Variants in VPS16 observed in about 807,000 individuals in gnomAD.
VPS16 encodes the protein vacuolar protein sorting-associated protein 16 homolog.
VPS16 carries 82 observed loss-of-function variants against 116.0 expected under a neutral mutation model. The observed-to-expected ratio is 0.71, with a 90% CI of 0.59 to 0.85. The LOEUF (loss-of-function observed/expected upper bound fraction) is 0.85, where lower values mean the gene tolerates loss of function less well. VPS16 is among the 40% of genes least tolerant of loss of function. VPS16 has a pLI of 0.00. For synonymous variants in VPS16, 406 were observed against 420.7 expected (o/e 0.96, Z 0.43); for missense variants, 928 against 1,090.6 (o/e 0.85, Z 2.10).
At position 2,865,647 on chromosome 20, in the gene VPS16, A is replaced by G; in HGVS notation, c.2271+152A>G. On this transcript the variant is annotated intron_variant, in intron 22 of 23. Transcript: ENST00000380445. The surrounding 1 kb of genome is among the most constrained non-coding windows in gnomAD (Gnocchi z 5.2). ...GCTTCCTGTATACACATTTGTGGGC[A>G]GGCATCATCTGCTGTGTTGGGTGCA... The G allele has an allele frequency of 1.4e-6, 1 of 719,308 alleles. No individual in the cohort carries two copies. Among genetic ancestry groups the G allele is most frequent in the South Asian group, 1.9e-5 (1 of 52,956 alleles). The allele number at this position is 719,308 out of a possible 1,614,324, so 44.6% of individuals were successfully genotyped here. A position where few individuals can be genotyped will look rare whatever the true frequency, so the allele number is the denominator to read the frequency against.
chr20:2,856,749 CTAGCTT>C (rs1372449141), intron 1 of VPS16, among the ~76,000 whole-genome samples: 2 of 152,164 alleles, frequency 1.3e-5, no homozygotes, highest in African/African-American at 4.8e-5. Flanking sequence ...ATTTGAAATG[CTAGCTT>C]TATTATTTGC....
chr20:2,843,257 C>T (rs1161651095), intron 1 of VPS16, among the ~76,000 whole-genome samples: 1 of 152,026 alleles, frequency 6.6e-6, no homozygotes, highest in African/African-American at 2.4e-5. Flanking sequence ...CATGATGAAA[C>T]CCCGTCTCTA....
At chr20:2,840,960 G>T in intron 1 of VPS16, 133 bp downstream of exon 1, 1 of 839,528 alleles carries the variant, frequency 1.2e-6, no homozygotes. Context: ...CCGAGCGTCT[G>T]CCACTTAGCG....
rs142902093 is a variant in VPS16 at position 2,865,483 on chromosome 20, C to G, written c.2259C>G (p.Pro753=). 1.6e-4 allele frequency: 254 copies of G among 1,613,890 alleles called. No individual in the cohort carries two copies. The East Asian group carries it at 5.1e-3, about 32-fold the overall frequency. The part of the protein sequence containing the change: ...LEKFSKSKKS[P]IGYLPFVEIC... ...AGTTTTCCAAGAGCAAGAAATCACC[C>G]ATTGGCTACCTGGTGAGGCAGGGTC... The change falls in exon 22 of 24, where the codon CCC becomes CCG. Residue 753 remains proline (P), a synonymous_variant. Coordinates refer to ENST00000380445, the MANE Select transcript of VPS16 (RefSeq NM_022575.4). This position sits in a 1 kb window ranked among gnomAD's most constrained non-coding sequence, Gnocchi z 5.2.
At chr20:2,854,266 A>ACACACACACACAC (rs1568624871) in intron 1 of VPS16, among the ~76,000 whole-genome samples, 1 of 61,970 alleles carries the variant, frequency 1.6e-5, no homozygotes, top group Non-Finnish European at 2.8e-5. Context: ...CACACACACA[A>ACACACACACACAC]ATTTTTTAGC....
chr20:2,851,119 GC>G (rs1265387294), intron 1 of VPS16, among the ~76,000 whole-genome samples: 1 of 152,190 alleles, frequency 6.6e-6, no homozygotes, highest in African/African-American at 2.4e-5. Context: ...TACAGTTGCA[GC>G]CCACTGGATG....
chr20:2,854,399 A>T (rs367626797), intron 1 of VPS16, among the ~76,000 whole-genome samples: 17 of 152,166 alleles, frequency 1.1e-4, no homozygotes, highest in African/African-American at 4.1e-4. Flanking sequence ...ACTGCACTCC[A>T]TCCTGGGCAA....
In VPS16 at chr20:2,864,616, G is replaced by T; in HGVS notation, c.1888G>T (p.Gly630Cys). 6.2e-7 allele frequency: 1 copy of T among 1,614,152 alleles called. No homozygotes were observed. The highest frequency in any genetic ancestry group is 8.5e-7 in the Non-Finnish European group (1 of 1,180,028). Residue 630 changes from glycine to cysteine, a missense_variant, in exon 19 of 24, where the codon GGC becomes TGC. Gly to Cys is a radical substitution (Grantham distance 159, BLOSUM62 -3). Transcript: ENST00000380445. This position sits in a 1 kb window ranked among gnomAD's most constrained non-coding sequence, Gnocchi z 5.2. The stretch of plus-strand genomic sequence containing the variant: ...TCAGGATGACAATCACCAGGAATTG[G>T]GCAGCTTCCACATCCGAGCCAGCTA... The part of the protein sequence containing the change: ...YNQDDNHQEL[G>C]SFHIRASYAA...
rs2089350968 is a variant in VPS16, at chr20:2,866,527, A to G, written c.2473A>G (p.Thr825Ala). 1 of 1,614,188 alleles carries G rather than the reference A, an allele frequency of 6.2e-7. No individual in the cohort carries two copies. Among genetic ancestry groups the G allele is most frequent in the South Asian group, 1.1e-5 (1 of 91,086 alleles). Residue 825 changes from threonine to alanine, a missense_variant, in exon 24 of 24, where the codon ACA (threonine) becomes GCA (alanine). Coordinates refer to ENST00000380445, the MANE Select transcript of VPS16 (RefSeq NM_022575.4). ...SHCTGATDGA[T>A]ADKIQRARAQ... ...CTGCACGGGAGCCACAGATGGGGCC[A>G]CAGCTGACAAGATTCAACGGGCCAG...
In VPS16 at chr20:2,865,177, G is replaced by C; in HGVS notation, c.2034G>C (p.Arg678=). ...CAGAGGATCAAATGCGGCTCCTACG[G>C]CTGCAGCGGCGCCTAGAAGACGAGC... ...KATEDQMRLL[R]LQRRLEDELG... is the part of the protein sequence containing the mutation. The change falls in exon 21 of 24, where the codon CGG becomes CGC. Residue 678 remains arginine (R), a synonymous_variant. Transcript: ENST00000380445. This position sits in a 1 kb window ranked among gnomAD's most constrained non-coding sequence, Gnocchi z 5.2. 6.2e-7 allele frequency: 1 copy of C among 1,614,154 alleles called. No individual in the cohort carries two copies. The highest frequency in any genetic ancestry group is 8.5e-7 in the Non-Finnish European group (1 of 1,180,024).
intron 12 of VPS16, 29 bp downstream of exon 12, chr20:2,862,739 G>C: frequency 6.2e-7 from 1 of 1,610,748 alleles, no homozygotes; most frequent in Non-Finnish European, 8.5e-7. Context: ...GCCGGGGAGG[G>C]TGGGGCTGGG....
In VPS16 at chr20:2,859,657, G is replaced by A. The variant is rs1489400468; in HGVS notation, c.54-62G>A. On this transcript the variant is annotated intron_variant, in intron 1 of 23. Coordinates refer to ENST00000380445, the MANE Select transcript of VPS16 (RefSeq NM_022575.4). ...AATGGAGGCTTTAGGAATTCCTCTG[G>A]GGTTCACTCCATACGGATGCAGGGT... The A allele has an allele frequency of 9.0e-6, 14 of 1,549,652 alleles. 1 individual carries two copies. Among genetic ancestry groups the A allele is most frequent in the Middle Eastern group, 1.7e-4 (1 of 5,936 alleles).
chr20:2,843,127 C>G (rs1031974898), intron 1 of VPS16, among the ~76,000 whole-genome samples: 2 of 152,130 alleles, frequency 1.3e-5, no homozygotes, highest in African/African-American at 2.4e-5. Flanking sequence ...TTATAATTCT[C>G]TCTTAGAAAT....
chr20:2,843,633 T>C (rs2089031410), intron 1 of VPS16, among the ~76,000 whole-genome samples: 1 of 152,212 alleles, frequency 6.6e-6, no homozygotes, highest in African/African-American at 2.4e-5. Context: ...AATATCAACT[T>C]TACTTGTATT....
chr20:2,861,237 G>A lies in VPS16; in HGVS notation c.766G>A (p.Glu256Lys). 2.5e-6 allele frequency: 4 copies of A among 1,614,218 alleles called. No homozygotes were observed. Among genetic ancestry groups the A allele is most frequent in the Non-Finnish European group, 3.4e-6 (4 of 1,180,040 alleles). The change falls in exon 8 of 24, where the codon GAG (glutamate) becomes AAG (lysine). Residue 256 changes from glutamate to lysine, a missense_variant. Glu to Lys is a moderately conservative substitution (Grantham distance 56, BLOSUM62 1). Transcript: ENST00000380445. The stretch of plus-strand genomic sequence containing the variant: ...CACACCATTTCAGGAGAAGCTATGT[G>A]AGTTCAACTGCAACATCCGGGCACC... ...GTASLKEKLC[E>K]FNCNIRAPPK...
intron 1 of VPS16, among the ~76,000 whole-genome samples, chr20:2,848,434 A>G (rs2089083580): frequency 6.6e-6 from 1 of 152,182 alleles, no homozygotes; most frequent in African/African-American, 2.4e-5. Context: ...TAAGGTTGTT[A>G]TCAGGTGTAA....
chr20:2,845,202 T>C (rs1348107365), intron 1 of VPS16, among the ~76,000 whole-genome samples: 1 of 151,920 alleles, frequency 6.6e-6, no homozygotes, highest in Non-Finnish European at 1.5e-5. Flanking sequence ...AAGGGGCCAG[T>C]CTCAGAGATT....
In VPS16 at chr20:2,865,552, G is replaced by C. The variant is rs2089322799; in HGVS notation, c.2271+57G>C. On this transcript the variant is annotated intron_variant, in intron 22 of 23. Transcript: ENST00000380445. The surrounding 1 kb of genome is among the most constrained non-coding windows in gnomAD (Gnocchi z 5.2). ...CAGTGAGGGTAGTCTTCGGGAGAGAGGGCTAGGCAGGGAGACAGATAGGAT... is the reference window on the plus strand; with the variant it reads ...CAGTGAGGGTAGTCTTCGGGAGAGACGGCTAGGCAGGGAGACAGATAGGAT... The C allele has an allele frequency of 6.6e-7, 1 of 1,506,536 alleles. No homozygotes were observed. Among genetic ancestry groups the C allele is most frequent in the African/African-American group, 1.4e-5 (1 of 72,440 alleles). 93.3% of individuals were successfully genotyped at this position (1,506,536 alleles called of 1,614,324 possible). A position where few individuals can be genotyped will look rare whatever the true frequency, so the allele number is the denominator to read the frequency against.
At chr20:2,850,794 C>A (rs1221030978) in intron 1 of VPS16, among the ~76,000 whole-genome samples, 2 of 147,018 alleles carry the variant, frequency 1.4e-5, no homozygotes, top group Non-Finnish European at 3.0e-5. Context: ...ATGGTGAAAC[C>A]CCATCTCTAC....
Sources: allele counts gnomAD v4.1 joint callset (sites outside exome capture counted in the v4.1 genomes callset), GRCh38; gene constraint gnomAD v4.1.1; non-coding constraint Gnocchi (gnomAD v3.1); transcripts MANE v1.5; gene names NCBI Gene and HGNC (gene_info 2026-07-23, HGNC 2026-07-21).